Variants in NID1 observed in about 807,000 individuals in gnomAD.
The protein encoded by NID1 is nidogen-1.
NID1 carries 76 observed loss-of-function variants against 130.6 expected under a neutral mutation model. The observed-to-expected ratio is 0.58, with a 90% CI of 0.48 to 0.70. NID1 has a LOEUF of 0.70. Among genes scored for constraint, NID1 ranks in the 30% least tolerant of loss-of-function variants. NID1 has a pLI of 0.00. For missense variants in NID1, 1,517 were observed against 1,664.8 expected, an observed-to-expected ratio of 0.91 and a Z score of 1.54; for synonymous variants, 665 against 675.1, an observed-to-expected ratio of 0.98 and a Z score of 0.23.
At chr1:236,056,713 T>C (rs951387247) in intron 1 of NID1, among the ~76,000 whole-genome samples, 11 of 152,038 alleles carry the variant, frequency 7.2e-5, no homozygotes, top group Admixed American at 7.2e-4. Context: ...ATTTCTTCCT[T>C]CCCCAGACTT....
intron 15 of NID1, among the ~76,000 whole-genome samples, chr1:235,982,555 C>T (rs762171693): frequency 2.0e-4 from 30 of 152,168 alleles, no homozygotes; most frequent in Admixed American, 2.0e-4. Context: ...TTACAAATAA[C>T]ACCCCAGTCT....
intron 12 of NID1, among the ~76,000 whole-genome samples, chr1:236,010,050 G>A (rs940755484): frequency 6.6e-6 from 1 of 152,156 alleles, no homozygotes; most frequent in Non-Finnish European, 1.5e-5. Context: ...GGAAACATCT[G>A]CTTCTCTTTA....
At chr1:236,015,647 C>CAAAAAAAAA (rs71559908) in intron 10 of NID1, among the ~76,000 whole-genome samples, 1 of 80,074 alleles carries the variant, frequency 1.2e-5, no homozygotes, top group Non-Finnish European at 2.4e-5. Flanking sequence ...AACCCTGTCT[C>CAAAAAAAAA]AAAAAAAAAA....
In NID1 at chr1:236,043,569, A is replaced by C. The variant is rs571079260; in HGVS notation, c.753-1277T>G. Among the ~76,000 whole-genome samples, 30 of 152,056 alleles carry C rather than the reference A, an allele frequency of 2.0e-4. No homozygotes were observed. The East Asian group carries it at 3.1e-3, about 16-fold the overall frequency. ...ATCCCAGCACTTTGGGGGGCTGAGGAGGGCAGATCATGAGGTCAGGAGATC... is the reference window on the plus strand; with the variant it reads ...ATCCCAGCACTTTGGGGGGCTGAGGCGGGCAGATCATGAGGTCAGGAGATC... On this transcript the variant is annotated intron_variant, in intron 3 of 19. Coordinates refer to ENST00000264187, the MANE Select transcript of NID1 (RefSeq NM_002508.3).
At chr1:236,006,741 G>A (rs1658259454) in intron 12 of NID1, among the ~76,000 whole-genome samples, 1 of 152,186 alleles carries the variant, frequency 6.6e-6, no homozygotes. Flanking sequence ...GATTGGGGCA[G>A]GTGGGGCTCC....
chr1:235,983,018 G>A (rs917665999), intron 15 of NID1, among the ~76,000 whole-genome samples: 2 of 152,164 alleles, frequency 1.3e-5, no homozygotes, highest in African/African-American at 4.8e-5. Context: ...GGGATTACAG[G>A]TGCGTGCCAC....
intron 12 of NID1, among the ~76,000 whole-genome samples, chr1:235,996,966 C>G (rs1391146559): frequency 1.3e-5 from 2 of 152,124 alleles, no homozygotes; most frequent in African/African-American, 4.8e-5. Flanking sequence ...TCCCGAGTAG[C>G]CGGGATTACA....
chr1:235,997,449 AT>A (rs1657958551), intron 12 of NID1, among the ~76,000 whole-genome samples: 1 of 152,196 alleles, frequency 6.6e-6, no homozygotes, highest in Admixed American at 6.5e-5. Flanking sequence ...ATATGTACTT[AT>A]TTGTATATAT....
At chr1:236,026,573 G>A (rs1317966010) in intron 7 of NID1, among the ~76,000 whole-genome samples, 8 of 152,108 alleles carry the variant, frequency 5.3e-5, no homozygotes, top group African/African-American at 1.9e-4. Flanking sequence ...AATAGGTCAA[G>A]GTGGGGATCA....
At chr1:236,058,436 G>GA (rs1181586969) in intron 1 of NID1, among the ~76,000 whole-genome samples, 1 of 152,104 alleles carries the variant, frequency 6.6e-6, no homozygotes, top group African/African-American at 2.4e-5. Context: ...AACCCAGGGT[G>GA]AAAATGCCAA....
At chr1:236,039,006 T>C (rs1435706850) in intron 4 of NID1, among the ~76,000 whole-genome samples, 8 of 109,296 alleles carry the variant, frequency 7.3e-5, no homozygotes, top group Non-Finnish European at 1.2e-4. Context: ...TATGTAAATA[T>C]ATAATATATA....
At chr1:236,051,064 C>T (rs1659751312) in intron 1 of NID1, among the ~76,000 whole-genome samples, 1 of 151,812 alleles carries the variant, frequency 6.6e-6, no homozygotes, top group African/African-American at 2.4e-5. Context: ...CCAGCCTAGG[C>T]AACAGAGCAA....
chr1:236,041,289 A>C (rs1659442299), intron 4 of NID1, among the ~76,000 whole-genome samples: 3 of 150,486 alleles, frequency 2.0e-5, no homozygotes, highest in African/African-American at 7.3e-5. Context: ...GATGGTCTCA[A>C]TCTCTTGAGC....
chr1:236,056,987 G>A (rs543619496), intron 1 of NID1, among the ~76,000 whole-genome samples: 10 of 152,246 alleles, frequency 6.6e-5, no homozygotes, highest in African/African-American at 2.2e-4. Flanking sequence ...AAAAGTACAC[G>A]ATGGCTCATG....
chr1:236,004,278 A>C (rs1012392898), intron 12 of NID1, among the ~76,000 whole-genome samples: 1 of 152,134 alleles, frequency 6.6e-6, no homozygotes, highest in African/African-American at 2.4e-5. Context: ...TTTACAAAGC[A>C]ACACGGTGAT....
At chr1:236,018,597 A>G (rs1051335672) in intron 9 of NID1, among the ~76,000 whole-genome samples, 13 of 152,186 alleles carry the variant, frequency 8.5e-5, no homozygotes, top group African/African-American at 3.1e-4. Flanking sequence ...GTTGAAATGA[A>G]CAGTTACACA....
chr1:235,977,958 C>G lies in NID1; in HGVS notation c.3653G>C (p.Gly1218Ala). ...GHNYCSVNNG[G>A]CTHLCLATPG... ...GGTGGCCAAGCATAGGTGGGTGCAG[C>G]CGCCATTGTTCACTGAGCAGTAGTT... is the stretch of plus-strand genomic sequence containing the variant. The change falls in exon 20 of 20, where the codon GGC becomes GCC. Residue 1218 changes from glycine (G) to alanine (A), a missense_variant. Physicochemically the swap from Gly to Ala is moderately conservative, Grantham distance 60. Transcript: ENST00000264187. 6.2e-7 allele frequency: 1 copy of G among 1,614,122 alleles called. No individual in the cohort carries two copies. Among genetic ancestry groups the G allele is most frequent in the Non-Finnish European group, 8.5e-7 (1 of 1,180,004 alleles).
At position 236,064,472 on chromosome 1, in the gene NID1, C is replaced by G. The variant is rs976773500; in HGVS notation, c.225+383G>C. The G allele has an allele frequency of 1.9e-5, 4 of 215,592 alleles. No individual in the cohort carries two copies. The East Asian group carries it at 6.1e-4, about 33-fold the overall frequency. The allele number at this position is 215,592 out of a possible 1,614,324, so 13.4% of individuals were successfully genotyped here. A position where few individuals can be genotyped will look rare whatever the true frequency, so the allele number is the denominator to read the frequency against. Reference sequence around the variant, plus strand: ...GCTCTTGCCCTGCGGAGGCTCCGCGCGAGAACCTGGCTCCACCCGGGACCG... The same window carrying G: ...GCTCTTGCCCTGCGGAGGCTCCGCGGGAGAACCTGGCTCCACCCGGGACCG... On this transcript the variant is annotated intron_variant, in intron 1 of 19. Transcript: ENST00000264187.
At chr1:236,060,374 C>T (rs1660006890) in intron 1 of NID1, among the ~76,000 whole-genome samples, 1 of 152,142 alleles carries the variant, frequency 6.6e-6, no homozygotes, top group South Asian at 2.1e-4. Flanking sequence ...TTCTTTACTG[C>T]AACCTGTTTT....
Sources: allele counts gnomAD v4.1 joint callset (sites outside exome capture counted in the v4.1 genomes callset), GRCh38; gene constraint gnomAD v4.1.1; transcripts MANE v1.5; gene names NCBI Gene and HGNC (gene_info 2026-07-23, HGNC 2026-07-21).